NUP210: variants seen among roughly 807,000 people sequenced by gnomAD.
NUP210 encodes nucleoporin 210.
NUP210 carries 151 observed loss-of-function variants against 196.0 expected under a neutral mutation model. That is an observed-to-expected ratio of 0.77 (90% CI 0.67 to 0.88). NUP210 has a LOEUF of 0.88. Among genes scored for constraint, NUP210 ranks in the 40% least tolerant of loss-of-function variants. The pLI, the probability that NUP210 is intolerant of heterozygous loss-of-function variation, is 0.00. For missense variants in NUP210, 2,314 were observed against 2,493.7 expected (o/e 0.93, Z 1.53); for synonymous variants, 1,070 against 1,052.7 (o/e 1.02, Z -0.32).
chr3:13,357,832 C>A (rs1316455569), intron 16 of NUP210, among the ~76,000 whole-genome samples: 1 of 152,200 alleles, frequency 6.6e-6, no homozygotes, highest in African/African-American at 2.4e-5. Context: ...CCTCAGCAGC[C>A]CCCACGCCTA....
At position 13,339,868 on chromosome 3, in the gene NUP210, C is replaced by G; in HGVS notation, c.3457G>C (p.Val1153Leu). Residue 1153 changes from valine to leucine, a missense_variant, in exon 25 of 40, where the codon GTC becomes CTC. Transcript: ENST00000254508. Reference protein sequence around the residue: ...QAVDAETGKVVIISQDLVQVE... With the variant: ...QAVDAETGKVLIISQDLVQVE... ...ACGCCTGTTACCTGAGAGATGATGA[C>G]CACCTTGCCGGTCTCTGCATCCACT... is the stretch of plus-strand genomic sequence containing the variant. 6.2e-7 allele frequency: 1 copy of G among 1,613,548 alleles called. No individual in the cohort carries two copies. The highest frequency in any genetic ancestry group is 8.5e-7 in the Non-Finnish European group (1 of 1,179,938).
intron 20 of NUP210, 36 bp from the exon 21 acceptor site, chr3:13,343,339 T>TGGGGGGGGGGGGTGGG: frequency 3.5e-6 from 1 of 282,514 alleles, no homozygotes; most frequent in East Asian, 8.4e-5. Flanking sequence ...GGGTGGGTGG[T>TGGGGGGGGGGGGTGGG]GGGTTACGCA....
intron 30 of NUP210, among the ~76,000 whole-genome samples, chr3:13,329,412 C>G (rs1412586144): frequency 1.3e-5 from 2 of 152,220 alleles, no homozygotes; most frequent in African/African-American, 4.8e-5. Flanking sequence ...AGAACCCGAG[C>G]TCCATAAACA....
chr3:13,408,432 T>C (rs2124958808), intron 1 of NUP210, among the ~76,000 whole-genome samples: 2 of 152,322 alleles, frequency 1.3e-5, no homozygotes, highest in African/African-American at 4.8e-5. Flanking sequence ...CCTGTATCAT[T>C]TCTTCCTTAA....
In NUP210 at chr3:13,379,738, A is replaced by G; in HGVS notation, c.818-17T>C. 7 of 1,551,320 alleles carry G rather than the reference A, an allele frequency of 4.5e-6. No homozygotes were observed. The highest frequency in any genetic ancestry group is 6.1e-6 in the Non-Finnish European group (7 of 1,149,556). ...TGGAGAGTTCTGGCCACCAAGAAAC[A>G]AAAAATAACAGGGAAAGAGAGAGCA... On this transcript the variant is annotated splice_polypyrimidine_tract_variant and intron_variant, in intron 6 of 39. Transcript: ENST00000254508. The surrounding 1 kb of genome is among the most constrained non-coding windows in gnomAD (Gnocchi z 4.2).
chr3:13,415,125 G>A lies in NUP210; in HGVS notation c.167+4935C>T, dbSNP rs146825080. ...TGCCTGTAGTCCCAGCTACTTGAGA[G>A]GCTGAGGCAGGAGAATAGCTTGAAC... is the stretch of plus-strand genomic sequence containing the variant. On this transcript the variant is annotated intron_variant, in intron 1 of 39. Coordinates refer to ENST00000254508, the MANE Select transcript of NUP210 (RefSeq NM_024923.4). Among the ~76,000 whole-genome samples, 1,286 of 152,362 alleles carry A rather than the reference G, an allele frequency of 8.4e-3. 19 individuals are homozygous for A. Among genetic ancestry groups the A allele is most frequent in the African/African-American group, 0.029 (1,219 of 41,574 alleles).
At chr3:13,335,335 G>A (rs183158104) in intron 28 of NUP210, 119 bp downstream of exon 28, 16 of 1,196,184 alleles carry the variant, frequency 1.3e-5, no homozygotes, top group African/African-American at 1.2e-4. Flanking sequence ...TCATCCCCAC[G>A]GACTGAGAGC....
At position 13,317,455 on chromosome 3, in the gene NUP210, G is replaced by T. The variant is rs1696313079; in HGVS notation, c.*226C>A. The T allele has an allele frequency of 1.8e-6, 1 of 555,772 alleles. No individual in the cohort carries two copies. The highest frequency in any genetic ancestry group is 3.2e-6 in the Non-Finnish European group (1 of 311,208). The allele number at this position is 555,772 out of a possible 1,614,324, so 34.4% of individuals were successfully genotyped here. ...GAATGAGCCAAAAAGTCTTAGCTTT[G>T]TAAGACTTGAAAGGAAAAAAACACA... is the stretch of plus-strand genomic sequence containing the variant. On this transcript the variant is annotated 3_prime_UTR_variant, in exon 40 of 40. Coordinates refer to ENST00000254508, the MANE Select transcript of NUP210 (RefSeq NM_024923.4).
intron 14 of NUP210, among the ~76,000 whole-genome samples, chr3:13,361,937 C>T (rs571249429): frequency 1.3e-5 from 2 of 152,228 alleles, no homozygotes; most frequent in East Asian, 3.9e-4. Context: ...TAGGCGACCC[C>T]TCCTCACACT....
chr3:13,418,957 AAAAAAAAAAAAAAAAAG>A (rs1700438803), intron 1 of NUP210, among the ~76,000 whole-genome samples: 1 of 116,272 alleles, frequency 8.6e-6, no homozygotes, highest in African/African-American at 4.3e-5. Context: ...TCAAAAAAAA[AAAAAAAAAAAAAAAAAG>A]AAAGAAAGAA....
intron 1 of NUP210, among the ~76,000 whole-genome samples, chr3:13,406,725 C>A (rs549144180): frequency 3.3e-5 from 5 of 152,310 alleles, no homozygotes; most frequent in Middle Eastern, 3.4e-3. Context: ...AATAGCCACT[C>A]CTCTAAAAGG....
chr3:13,417,126 C>T (rs984275416), intron 1 of NUP210, among the ~76,000 whole-genome samples: 2 of 152,168 alleles, frequency 1.3e-5, no homozygotes, highest in African/African-American at 4.8e-5. Flanking sequence ...CCAGAGGCTG[C>T]CAGTCCCCAG....
chr3:13,371,309 C>T (rs1698722263), intron 13 of NUP210, among the ~76,000 whole-genome samples: 1 of 152,184 alleles, frequency 6.6e-6, no homozygotes, highest in African/African-American at 2.4e-5. Flanking sequence ...ATAACAGATC[C>T]TTCTCCTAGG....
intron 20 of NUP210, 39 bp from the exon 21 acceptor site, chr3:13,343,342 G>GGGGGGCC: frequency 1.5e-6 from 1 of 655,994 alleles, no homozygotes; most frequent in Non-Finnish European, 2.5e-6. Context: ...TGGGTGGTGG[G>GGGGGGCC]TTACGCAGCT....
In NUP210 at chr3:13,335,388, G is replaced by A. The variant is rs1320841768; in HGVS notation, c.3843+66C>T. On this transcript the variant is annotated intron_variant, in intron 28 of 39. Coordinates refer to ENST00000254508, the MANE Select transcript of NUP210 (RefSeq NM_024923.4). Reference sequence around the variant, plus strand: ...CCCTGCCCATGCAACATGTGGCCCCGAAGGAAGATTGGGCAGCTGGCACTT... The same window carrying A: ...CCCTGCCCATGCAACATGTGGCCCCAAAGGAAGATTGGGCAGCTGGCACTT... 21 of 1,562,280 alleles carry A rather than the reference G, an allele frequency of 1.3e-5. No homozygotes were observed. The East Asian group carries it at 1.4e-4, about 10-fold the overall frequency.
At chr3:13,388,598 C>T (rs908076347) in intron 4 of NUP210, 145 bp from the exon 5 acceptor site, 3 of 754,666 alleles carry the variant, frequency 4.0e-6, no homozygotes, top group Admixed American at 3.7e-5. Flanking sequence ...GCTGGGGCTG[C>T]CTAGAGACAC....
intron 1 of NUP210, among the ~76,000 whole-genome samples, chr3:13,415,320 C>T (rs1700311236): frequency 1.3e-5 from 2 of 152,226 alleles, no homozygotes; most frequent in South Asian, 4.1e-4. Context: ...CAGTGCTTGT[C>T]CCCTGGTGCT....
intron 1 of NUP210, among the ~76,000 whole-genome samples, chr3:13,410,640 G>A (rs112018539): frequency 0.22 from 32,920 of 148,610 alleles, 5,757 homozygotes; most frequent in African/African-American, 0.49. Flanking sequence ...CAAAAAGGCC[G>A]GGCACGGTGG....
intron 20 of NUP210, 160 bp downstream of exon 20, chr3:13,351,719 A>C (rs1697979608): frequency 1.7e-6 from 1 of 604,722 alleles, no homozygotes; most frequent in Non-Finnish European, 3.0e-6. Context: ...GCTGGTCTTG[A>C]ACTCCTGGGC....
Sources: allele counts gnomAD v4.1 joint callset (sites outside exome capture counted in the v4.1 genomes callset), GRCh38; gene constraint gnomAD v4.1.1; non-coding constraint Gnocchi (gnomAD v3.1); transcripts MANE v1.5; gene names NCBI Gene and HGNC (gene_info 2026-07-23, HGNC 2026-07-21).